Variants in LHX6 observed in about 807,000 individuals in gnomAD.
The protein encoded by LHX6 is LIM/homeobox protein Lhx6.
LHX6 carries 15 observed loss-of-function variants against 47.1 expected under a neutral mutation model. The ratio of observed to expected loss-of-function variants is 0.32; its 90% CI spans 0.21 to 0.49. The LOEUF is 0.49. LHX6 is among the 20% of genes least tolerant of loss of function. The probability of loss-of-function intolerance (pLI) is 0.99; values close to 1 mark genes in which losing one functional copy is unlikely to be tolerated. For missense variants in LHX6, 404 were observed against 539.6 expected, an observed-to-expected ratio of 0.75 and a Z score of 2.49; for synonymous variants, 242 against 233.5, an observed-to-expected ratio of 1.04 and a Z score of -0.33.
Position 122,226,177 on chromosome 9 carries a change from C to T in LHX6, c.461+199G>A, listed in dbSNP as rs1309258660. Among the ~76,000 whole-genome samples the T allele has an allele frequency of 6.6e-6, 1 of 152,214 alleles. No individual in the cohort carries two copies. Among genetic ancestry groups the T allele is most frequent in the Non-Finnish European group, 1.5e-5 (1 of 68,036 alleles). On this transcript the variant is annotated intron_variant, in intron 4 of 9. Transcript: ENST00000394319. The surrounding 1 kb of genome is among the most constrained non-coding windows in gnomAD (Gnocchi z 6.5). ...ACCGAAGGCAGATCCGGGGCGCAAA[C>T]CTGTGCAGGCACTGGCGCGCTGCCT...
chr9:122,207,377 C>G (rs999533798), intron 9 of LHX6, among the ~76,000 whole-genome samples: 1 of 152,142 alleles, frequency 6.6e-6, no homozygotes, highest in South Asian at 2.1e-4. Context: ...CTTCAGAGTC[C>G]GACAGACTCG....
At chr9:122,228,252 A>G in intron 1 of LHX6, 1 of 1,534,516 alleles carries the variant, frequency 6.5e-7, no homozygotes, top group Non-Finnish European at 8.7e-7. Flanking sequence ...AAGAGAAAAG[A>G]GAGGCGCTCA....
intron 4 of LHX6, among the ~76,000 whole-genome samples, chr9:122,219,423 C>G (rs1028166689): frequency 6.6e-6 from 1 of 152,214 alleles, no homozygotes; most frequent in Non-Finnish European, 1.5e-5. Flanking sequence ...TTCCCCGTCC[C>G]GCAGTAAAGG....
rs1476153263 is a variant in LHX6 at position 122,211,394 on chromosome 9, G to T, written c.1055-1677C>A. Among the ~76,000 whole-genome samples the T allele has an allele frequency of 4.6e-5, 7 of 152,156 alleles. No homozygotes were observed. In the East Asian group the frequency reaches 1.3e-3, roughly 29 times the overall value. ...TACATCTGCATTTTTCTGGGGTCTG[G>T]TTCCAAAGCTTTTATCAGATTCCAA... On this transcript the variant is annotated intron_variant, in intron 8 of 9. Coordinates refer to ENST00000394319, the MANE Select transcript of LHX6 (RefSeq NM_014368.5).
chr9:122,227,765 G>A (rs1831172964), intron 1 of LHX6: 1 of 479,464 alleles, frequency 2.1e-6, no homozygotes, highest in Non-Finnish European at 3.4e-6. Flanking sequence ...CCTCTGAGGG[G>A]GGAAGAAAAA....
At chr9:122,210,854 C>T (rs746816013) in intron 8 of LHX6, among the ~76,000 whole-genome samples, 25 of 152,184 alleles carry the variant, frequency 1.6e-4, no homozygotes, top group Admixed American at 3.9e-4. Context: ...TGAGCCACCA[C>T]GCCCAGCCTG....
Position 122,208,813 on chromosome 9 carries a change from C to T in LHX6, c.1158+801G>A, listed in dbSNP as rs187206243. On this transcript the variant is annotated intron_variant, in intron 9 of 9. Transcript: ENST00000394319. The stretch of plus-strand genomic sequence containing the variant: ...TTGCGCCATTGCACTCCAGCCTGGG[C>T]GATAAGAGTGAAACTCTGTCTAAAA... Among the ~76,000 whole-genome samples, 119 of 133,840 alleles carry T rather than the reference C, an allele frequency of 8.9e-4. No individual in the cohort carries two copies. The East Asian group carries it at 0.022, about 25-fold the overall frequency. 87.8% of individuals were successfully genotyped at this position (133,840 alleles called of 152,430 possible).
intron 4 of LHX6, among the ~76,000 whole-genome samples, chr9:122,219,616 G>C (rs1003812730): frequency 6.6e-6 from 1 of 152,136 alleles, no homozygotes; most frequent in African/African-American, 2.4e-5. Context: ...ACCTTACTAC[G>C]GGCCGGGGTC....
At chr9:122,207,134 A>G (rs970549619) in intron 9 of LHX6, among the ~76,000 whole-genome samples, 4 of 152,090 alleles carry the variant, frequency 2.6e-5, no homozygotes, top group Non-Finnish European at 2.9e-5. Context: ...ATCCCCTCCC[A>G]CAGGAAGGGA....
At chr9:122,222,184 TG>T in intron 4 of LHX6, among the ~76,000 whole-genome samples, 1 of 152,120 alleles carries the variant, frequency 6.6e-6, no homozygotes, top group East Asian at 1.9e-4. Context: ...TCCAGCAGGC[TG>T]GGGGAGCCAG....
Position 122,226,162 on chromosome 9 carries a change from G to A in LHX6, c.461+214C>T, listed in dbSNP as rs1328121389. Reference sequence around the variant, plus strand: ...CAATGGACCGCGAGGACCGAAGGCAGATCCGGGGCGCAAACCTGTGCAGGC... The same window carrying A: ...CAATGGACCGCGAGGACCGAAGGCAAATCCGGGGCGCAAACCTGTGCAGGC... On this transcript the variant is annotated intron_variant, in intron 4 of 9. Coordinates refer to ENST00000394319, the MANE Select transcript of LHX6 (RefSeq NM_014368.5). The surrounding 1 kb of genome is among the most constrained non-coding windows in gnomAD (Gnocchi z 6.5). Among the ~76,000 whole-genome samples the A allele has an allele frequency of 6.6e-6, 1 of 152,218 alleles. No homozygotes were observed. The highest frequency in any genetic ancestry group is 2.4e-5 in the African/African-American group (1 of 41,456).
chr9:122,207,079 T>C (rs1213886128), intron 9 of LHX6, among the ~76,000 whole-genome samples: 1 of 152,180 alleles, frequency 6.6e-6, no homozygotes, highest in East Asian at 1.9e-4. Flanking sequence ...GCAGGGATCA[T>C]GTCAGCTCAC....
At chr9:122,211,321 G>T (rs1203787645) in intron 8 of LHX6, among the ~76,000 whole-genome samples, 1 of 152,186 alleles carries the variant, frequency 6.6e-6, no homozygotes, top group South Asian at 2.1e-4. Context: ...TTCACCTGGG[G>T]TGTTCAAGGA....
intron 8 of LHX6, among the ~76,000 whole-genome samples, chr9:122,212,436 TTC>T (rs1486363909): frequency 6.6e-6 from 1 of 152,164 alleles, no homozygotes; most frequent in Non-Finnish European, 1.5e-5. Context: ...TAAGCAGCAG[TTC>T]TCTGTCTGAT....
At chr9:122,225,770 C>G (rs542287033) in intron 4 of LHX6, among the ~76,000 whole-genome samples, 1 of 152,306 alleles carries the variant, frequency 6.6e-6, no homozygotes, top group East Asian at 1.9e-4. Context: ...GAGATGGAGC[C>G]GGAGACAGAG....
At position 122,221,909 on chromosome 9, in the gene LHX6, C is replaced by T. The variant is rs558264072; in HGVS notation, c.461+4467G>A. On this transcript the variant is annotated intron_variant, in intron 4 of 9. Transcript: ENST00000394319. The stretch of plus-strand genomic sequence containing the variant: ...CAGGCAGCTATAGGGCTTATCTAGT[C>T]TCTACCACTTAGCCCTGTGACCTCA... Among the ~76,000 whole-genome samples the T allele has an allele frequency of 6.6e-5, 10 of 152,272 alleles. No individual in the cohort carries two copies. In the South Asian group the frequency reaches 1.2e-3, roughly 19 times the overall value.
intron 9 of LHX6, among the ~76,000 whole-genome samples, chr9:122,207,380 CAG>C (rs1830223690): frequency 6.6e-6 from 1 of 152,202 alleles, no homozygotes; most frequent in Non-Finnish European, 1.5e-5. Flanking sequence ...CAGAGTCCGA[CAG>C]ACTCGCTGCA....
At chr9:122,223,899 C>T (rs1420469333) in intron 4 of LHX6, among the ~76,000 whole-genome samples, 1 of 152,140 alleles carries the variant, frequency 6.6e-6, no homozygotes, top group East Asian at 1.9e-4. Flanking sequence ...GAGAGGTGTC[C>T]TAGTGGTGCC....
rs199736682 is a variant in LHX6, at chr9:122,217,334, C to T, written c.462-46G>A. 1.5e-3 allele frequency: 2,251 copies of T among 1,508,348 alleles called. 5 individuals are homozygous for T. Among genetic ancestry groups the T allele is most frequent in the Admixed American group, 4.3e-3 (234 of 55,036 alleles). 93.4% of individuals were successfully genotyped at this position (1,508,348 alleles called of 1,614,324 possible). On this transcript the variant is annotated intron_variant, in intron 4 of 9. Transcript: ENST00000394319. The surrounding 1 kb of genome is among the most constrained non-coding windows in gnomAD (Gnocchi z 4.9). ...CACGGGGTGTCGAGACTCAGACAGG[C>T]CAACCTTCCTCCTTCCACCACCCAA...
Sources: allele counts gnomAD v4.1 joint callset (sites outside exome capture counted in the v4.1 genomes callset), GRCh38; gene constraint gnomAD v4.1.1; non-coding constraint Gnocchi (gnomAD v3.1); transcripts MANE v1.5; gene names NCBI Gene and HGNC (gene_info 2026-07-23, HGNC 2026-07-21).